TMCO1: variants seen among roughly 807,000 people sequenced by gnomAD.
TMCO1 encodes the protein calcium load-activated calcium channel.
TMCO1 carries 29 observed loss-of-function variants against 29.3 expected under a neutral mutation model. The ratio of observed to expected loss-of-function variants is 0.99; its 90% CI spans 0.74 to 1.35. The LOEUF (loss-of-function observed/expected upper bound fraction) is 1.35, where lower values mean the gene tolerates loss of function less well. TMCO1 is among the 40% of genes most tolerant of loss of function. TMCO1 has a pLI of 0.00. For missense variants in TMCO1, 173 were observed against 225.5 expected, an observed-to-expected ratio of 0.77 and a Z score of 1.49; for synonymous variants, 80 against 77.1, an observed-to-expected ratio of 1.04 and a Z score of -0.20.
chr1:165,746,693 T>A (rs1651811795), intron 5 of TMCO1, among the ~76,000 whole-genome samples: 1 of 152,176 alleles, frequency 6.6e-6, no homozygotes, highest in South Asian at 2.1e-4. Flanking sequence ...AGCAGTGATA[T>A]GGGCATTCTC....
chr1:165,746,249 T>C (rs894684998), intron 5 of TMCO1, among the ~76,000 whole-genome samples: 1 of 146,096 alleles, frequency 6.8e-6, no homozygotes, highest in Non-Finnish European at 1.5e-5. Flanking sequence ...GCGGAGGTCG[T>C]AGTGAGCCGA....
intron 2 of TMCO1, among the ~76,000 whole-genome samples, chr1:165,760,183 T>C (rs1652346778): frequency 6.6e-6 from 1 of 152,158 alleles, no homozygotes; most frequent in Admixed American, 6.5e-5. Context: ...CCCAGCACTT[T>C]GGGAGGCCTA....
chr1:165,728,021 G>GAAA lies in TMCO1; in HGVS notation c.*1_*2insTTT. On this transcript the variant is annotated 3_prime_UTR_variant, in exon 7 of 7. Transcript: ENST00000367881. ...ATGATAGAAAATAAAGAGTTCTTGAGTTCAAGAGAACTTCCCAGAAGGAGG... is the reference window on the plus strand; with the variant it reads ...ATGATAGAAAATAAAGAGTTCTTGAGAAATTCAAGAGAACTTCCCAGAAGGAGG... 3 of 1,602,492 alleles carry GAAA rather than the reference G, an allele frequency of 1.9e-6. No homozygotes were observed. Among genetic ancestry groups the GAAA allele is most frequent in the Non-Finnish European group, 2.6e-6 (3 of 1,172,116 alleles).
intron 6 of TMCO1, among the ~76,000 whole-genome samples, chr1:165,734,500 TTC>T (rs1366975042): frequency 1.3e-5 from 2 of 152,154 alleles, no homozygotes; most frequent in African/African-American, 4.8e-5. Flanking sequence ...TAAATTTCTA[TTC>T]TTTTTTATTT....
rs1474914928 is a variant in TMCO1 at position 165,727,807 on chromosome 1, A to C, written c.*216T>G. ...AACATTACCTGAACTTAACTAATCA[A>C]TCCACTTATTTGATAAAAATCATCT... On this transcript the variant is annotated 3_prime_UTR_variant, in exon 7 of 7. Transcript: ENST00000367881. 1.4e-5 allele frequency: 7 copies of C among 499,152 alleles called. No individual in the cohort carries two copies. In the Admixed American group the frequency reaches 1.6e-4, roughly 11 times the overall value. The allele number at this position is 499,152 out of a possible 1,614,324, so 30.9% of individuals were successfully genotyped here. A position where few individuals can be genotyped will look rare whatever the true frequency, so the allele number is the denominator to read the frequency against.
intron 3 of TMCO1, 57 bp from the exon 4 acceptor site, chr1:165,754,331 T>C: frequency 7.3e-7 from 1 of 1,374,744 alleles, no homozygotes; most frequent in Non-Finnish European, 1.0e-6. Flanking sequence ...AAGCAGCTGT[T>C]AAATAAACTG....
At chr1:165,738,074 C>A (rs1558032246) in intron 6 of TMCO1, among the ~76,000 whole-genome samples, 1 of 152,226 alleles carries the variant, frequency 6.6e-6, no homozygotes, top group Non-Finnish European at 1.5e-5. Context: ...AGGCAGATCA[C>A]TTAAGGCCAG....
intron 6 of TMCO1, among the ~76,000 whole-genome samples, chr1:165,728,890 A>C (rs1651009017): frequency 6.6e-6 from 1 of 151,954 alleles, no homozygotes; most frequent in South Asian, 2.1e-4. Context: ...TGAGGCTAGG[A>C]GTTCAAGACG....
At chr1:165,765,330 C>T (rs193188086) in intron 2 of TMCO1, among the ~76,000 whole-genome samples, 1 of 152,210 alleles carries the variant, frequency 6.6e-6, no homozygotes, top group Non-Finnish European at 1.5e-5. Context: ...GTTGGCCAAG[C>T]TGGAGTGCAG....
In TMCO1 at chr1:165,755,308, G is replaced by A. The variant is rs193116185; in HGVS notation, c.209-1034C>T. Among the ~76,000 whole-genome samples, 27 of 152,152 alleles carry A rather than the reference G, an allele frequency of 1.8e-4. 1 individual carries two copies. The highest frequency in any genetic ancestry group is 5.1e-4 in the African/African-American group (21 of 41,514). ...AGCCAATCCAAATAACATAGAAAAA[G>A]GCCTAGAATGAGTGTATAAATTCAG... On this transcript the variant is annotated intron_variant, in intron 3 of 6. Coordinates refer to ENST00000367881, the MANE Select transcript of TMCO1 (RefSeq NM_019026.6).
At position 165,768,212 on chromosome 1, in the gene TMCO1, A is replaced by G; in HGVS notation, c.128T>C (p.Val43Ala). Residue 43 changes from valine to alanine, a missense_variant, in exon 2 of 7, where the codon GTG becomes GCG. Transcript: ENST00000367881. Reference protein sequence around the residue: ...TDKYKRLKAEVEKQSKKLEKK... With the variant: ...TDKYKRLKAEAEKQSKKLEKK... ...CTCACATTTTTTACTCTGTTTTTCC[A>G]CTTCTGCCTTCAGTCTCTTGTACTT... 1 of 1,613,788 alleles carries G rather than the reference A, an allele frequency of 6.2e-7. No homozygotes were observed. The highest frequency in any genetic ancestry group is 8.5e-7 in the Non-Finnish European group (1 of 1,179,938).
chr1:165,768,401 GGCTAATACAACTGACTCTTCA>G, intron 1 of TMCO1, 132 bp from the exon 2 acceptor site: 1 of 1,496,858 alleles, frequency 6.7e-7, no homozygotes, highest in Non-Finnish European at 9.1e-7. Context: ...TTTTTTCAAA[GGCTAATACAACTGACTCTTCA>G]GCCAAAACAA....
chr1:165,726,227 C>A, downstream of TMCO1: 1 of 699,644 alleles, frequency 1.4e-6, no homozygotes, highest in South Asian at 1.5e-5. Flanking sequence ...CATTAAAAGT[C>A]ATTACCATCC....
In TMCO1 at chr1:165,730,322, G is replaced by C. The variant is rs552843346; in HGVS notation, c.469-2201C>G. On this transcript the variant is annotated intron_variant, in intron 6 of 6. Transcript: ENST00000367881. ...ACTGCACTCCAGCCTGGGCGACGGC[G>C]AGACTCCGTCTCAAAACAAAAACAA... is the stretch of plus-strand genomic sequence containing the variant. Among the ~76,000 whole-genome samples, 6 of 149,558 alleles carry C rather than the reference G, an allele frequency of 4.0e-5. No individual in the cohort carries two copies. In the South Asian group the frequency reaches 1.3e-3, roughly 32 times the overall value.
At chr1:165,766,723 T>C (rs1347174496) in intron 2 of TMCO1, among the ~76,000 whole-genome samples, 2 of 151,662 alleles carry the variant, frequency 1.3e-5, no homozygotes, top group Admixed American at 6.6e-5. Flanking sequence ...CAGGCTGCAA[T>C]GAGCTCTGAG....
chr1:165,727,903 AATT>A lies in TMCO1; in HGVS notation c.*117_*119del, dbSNP rs748108266. The A allele has an allele frequency of 1.4e-6, 1 of 719,064 alleles. No individual in the cohort carries two copies. The highest frequency in any genetic ancestry group is 1.8e-5 in the African/African-American group (1 of 56,228). 44.5% of individuals were successfully genotyped at this position (719,064 alleles called of 1,614,324 possible). ...AATCATACCCAAAAGGCTTAGAAAT[AATT>A]CAAAACTAGAAAGAGGCCCAAGTAG... On this transcript the variant is annotated 3_prime_UTR_variant, in exon 7 of 7. Transcript: ENST00000367881.
intron 6 of TMCO1, among the ~76,000 whole-genome samples, chr1:165,735,007 C>T (rs1331029963): frequency 2.0e-5 from 3 of 152,116 alleles, no homozygotes; most frequent in Non-Finnish European, 4.4e-5. Context: ...GAAAGATAAG[C>T]ACATCAAATC....
chr1:165,734,795 G>A (rs796818052), intron 6 of TMCO1, among the ~76,000 whole-genome samples: 8 of 152,218 alleles, frequency 5.3e-5, no homozygotes, highest in African/African-American at 1.7e-4. Context: ...GAGCCACCGC[G>A]CTCGGCCCAT....
At chr1:165,735,511 A>AT (rs34062484) in intron 6 of TMCO1, among the ~76,000 whole-genome samples, 304 of 110,268 alleles carry the variant, frequency 2.8e-3, no homozygotes, top group Middle Eastern at 9.2e-3. Context: ...TCTCTGCTTA[A>AT]TTTTTTTTTT....
Sources: gnomAD v4.1 joint callset for allele counts (sites outside exome capture counted in the v4.1 genomes callset) on GRCh38, gnomAD v4.1.1 for gene constraint, MANE v1.5 for transcripts, NCBI Gene and HGNC (gene_info 2026-07-23, HGNC 2026-07-21) for gene names.